Variants in ZNF536 observed in about 807,000 individuals in gnomAD.
ZNF536 encodes zinc finger protein 536.
ZNF536 carries 13 observed loss-of-function variants against 84.5 expected under a neutral mutation model. The observed-to-expected ratio is 0.15, with a 90% CI of 0.10 to 0.24. ZNF536 has a LOEUF of 0.24. Ranked by LOEUF, ZNF536 falls within the 10% of genes least tolerant of loss-of-function variation. ZNF536 has a pLI of 1.00. For missense variants in ZNF536, 1,536 were observed against 1,747.5 expected (o/e 0.88, Z 2.16); for synonymous variants, 811 against 742.5 (o/e 1.09, Z -1.50).
intron 1 of ZNF536, among the ~76,000 whole-genome samples, chr19:30,642,281 T>C (rs548158573): frequency 6.6e-6 from 1 of 152,334 alleles, no homozygotes; most frequent in African/African-American, 2.4e-5. Flanking sequence ...TATTTCTGTA[T>C]ATTGGTTGTT....
At chr19:30,422,065 T>A (rs924492980) in intron 1 of ZNF536, among the ~76,000 whole-genome samples, 1 of 152,302 alleles carries the variant, frequency 6.6e-6, no homozygotes, top group African/African-American at 2.4e-5. Flanking sequence ...AGGTAGTTTA[T>A]TGCAGTACAA....
intron 1 of ZNF536, among the ~76,000 whole-genome samples, chr19:30,645,797 G>A (rs895016279): frequency 1.3e-5 from 2 of 152,226 alleles, no homozygotes; most frequent in African/African-American, 4.8e-5. Context: ...GCGCCACCCT[G>A]CAGCAGGGAG....
exon 2 of ZNF536, chr19:30,712,172 C>G (rs2052472598): frequency 6.6e-6 from 1 of 152,064 alleles, no homozygotes; most frequent in Non-Finnish European, 1.5e-5. Flanking sequence ...AGATTTTCTA[C>G]TGATTGGATA....
intron 1 of ZNF536, among the ~76,000 whole-genome samples, chr19:30,434,576 A>G (rs988247947): frequency 5.9e-5 from 9 of 152,268 alleles, no homozygotes; most frequent in African/African-American, 1.9e-4. Context: ...TTTGTATTGG[A>G]ATAACATAGC....
intron 1 of ZNF536, among the ~76,000 whole-genome samples, chr19:30,389,725 T>G (rs2049501529): frequency 6.6e-6 from 1 of 152,248 alleles, no homozygotes; most frequent in South Asian, 2.1e-4. Context: ...TCCTAGCAGA[T>G]TCTTTTTCTA....
chr19:30,656,426 C>T (rs936587585), intron 1 of ZNF536, among the ~76,000 whole-genome samples: 1 of 152,172 alleles, frequency 6.6e-6, no homozygotes, highest in East Asian at 1.9e-4. Flanking sequence ...TTTTGGTTAT[C>T]CCCTTGGCTG....
At chr19:30,707,508 G>A (rs983860597) in intron 1 of ZNF536, among the ~76,000 whole-genome samples, 1 of 152,100 alleles carries the variant, frequency 6.6e-6, no homozygotes, top group Non-Finnish European at 1.5e-5. Flanking sequence ...CATGGCACTG[G>A]CCCCTCGTGC....
intron 2 of ZNF536, among the ~76,000 whole-genome samples, chr19:30,493,089 CTTTTTTTTTT>C (rs201787656): frequency 1.3e-4 from 9 of 71,604 alleles, no homozygotes; most frequent in African/African-American, 4.0e-4. Context: ...ATATTACTCA[CTTTTTTTTTT>C]TTTTTTTTTT....
chr19:30,278,109 G>A (rs2045305040), intron 1 of ZNF536, among the ~76,000 whole-genome samples: 1 of 152,200 alleles, frequency 6.6e-6, no homozygotes, highest in Admixed American at 6.5e-5. Context: ...GGAGACAACT[G>A]AGATTGAAGG....
chr19:30,358,782 G>C lies in ZNF536; in HGVS notation c.-3+6298G>C, dbSNP rs1275836832. ...CGGATGCCCTTCAGGGATTCCAGCA[G>C]GCCCATTTTAGGGTCAGACCATGAA... On this transcript the variant is annotated intron_variant, in intron 3 of 5. Transcript: ENST00000585628. Among the ~76,000 whole-genome samples, 3 of 152,258 alleles carry C rather than the reference G, an allele frequency of 2.0e-5. No homozygotes were observed. In the East Asian group the frequency reaches 5.8e-4, roughly 29 times the overall value.
intron 2 of ZNF536, among the ~76,000 whole-genome samples, chr19:30,491,835 CTT>C (rs59636784): frequency 6.9e-6 from 1 of 145,276 alleles, no homozygotes. Flanking sequence ...CTTTCCTTTT[CTT>C]TTTTTTTTTT....
intron 2 of ZNF536, among the ~76,000 whole-genome samples, chr19:30,488,658 G>A (rs1010352516): frequency 3.3e-5 from 5 of 151,822 alleles, no homozygotes; most frequent in East Asian, 1.9e-4. Context: ...TTCCCCATTC[G>A]CTAAAAGGAA....
intron 1 of ZNF536, among the ~76,000 whole-genome samples, chr19:30,707,489 C>T (rs2052289724): frequency 6.6e-6 from 1 of 152,154 alleles, no homozygotes. Flanking sequence ...CCTTCTCTTA[C>T]CTGGCAATCA....
At chr19:30,695,729 G>C (rs2051629257) in intron 1 of ZNF536, among the ~76,000 whole-genome samples, 1 of 152,180 alleles carries the variant, frequency 6.6e-6, no homozygotes, top group Admixed American at 6.5e-5. Context: ...ACTTGGTATG[G>C]ATGGTGTGGC....
intron 1 of ZNF536, among the ~76,000 whole-genome samples, chr19:30,678,106 AG>A (rs2050821848): frequency 6.6e-6 from 1 of 152,224 alleles, no homozygotes; most frequent in Admixed American, 6.5e-5. Context: ...TAGACTGCAA[AG>A]GGTCCATGAA....
At chr19:30,639,825 A>G (rs999125329) in intron 1 of ZNF536, among the ~76,000 whole-genome samples, 1 of 151,964 alleles carries the variant, frequency 6.6e-6, no homozygotes, top group East Asian at 1.9e-4. Flanking sequence ...TAAGTTCACA[A>G]CTGTCTCAAG....
At chr19:30,380,436 C>T (rs1359471844) in intron 1 of ZNF536, among the ~76,000 whole-genome samples, 2 of 152,142 alleles carry the variant, frequency 1.3e-5, no homozygotes, top group East Asian at 3.9e-4. Flanking sequence ...CGAGCACCCC[C>T]GGAGAACCCA....
At chr19:30,564,683 C>T (rs928356358) in intron 1 of ZNF536, among the ~76,000 whole-genome samples, 22 of 152,142 alleles carry the variant, frequency 1.4e-4, no homozygotes, top group African/African-American at 3.9e-4. Context: ...CCACTCCCAC[C>T]GCCAGTTTCA....
At chr19:30,419,809 T>A (rs1198987468) in intron 1 of ZNF536, among the ~76,000 whole-genome samples, 1 of 152,152 alleles carries the variant, frequency 6.6e-6, no homozygotes, top group Non-Finnish European at 1.5e-5. Context: ...GCTCTCCCCA[T>A]CCAGGCAGGA....
Sources: allele counts gnomAD v4.1 joint callset (sites outside exome capture counted in the v4.1 genomes callset), GRCh38; gene constraint gnomAD v4.1.1; transcripts MANE v1.5; gene names NCBI Gene and HGNC (gene_info 2026-07-23, HGNC 2026-07-21).